HSPD1: variants seen among roughly 807,000 people sequenced by gnomAD.
HSPD1 encodes the protein 60 kDa heat shock protein, mitochondrial.
HSPD1 carries 3 observed loss-of-function variants against 53.0 expected under a neutral mutation model. That is an observed-to-expected ratio of 0.06 (90% CI 0.03 to 0.15). The LOEUF is 0.15. Among genes scored for constraint, HSPD1 ranks in the 10% least tolerant of loss-of-function variants. The pLI is 1.00. For missense variants in HSPD1, 431 were observed against 694.1 expected (o/e 0.62, Z 4.26); for synonymous variants, 200 against 228.0 (o/e 0.88, Z 1.10).
chr2:197,493,439 A>C lies in HSPD1; in HGVS notation c.754T>G (p.Ser252Ala), dbSNP rs145059267. Residue 252 changes from serine to alanine, a missense_variant, in exon 7 of 12, where the codon TCT becomes GCT. By Grantham distance (99) the Ser-to-Ala change is moderately conservative. Around this residue, in one of 2 missense-constraint regions of HSPD1, gnomAD observed 386 missense variants for 657.6 expected, o/e 0.59. Coordinates refer to ENST00000388968, the MANE Select transcript of HSPD1 (RefSeq NM_002156.5). ...GCAGGTACAATGGACTGGATACTAG[A>C]AATTTTCTTTTCACTCAACAGAACA... ...AYVLLSEKKI[S>A]SIQSIVPALE... 2.7e-5 allele frequency: 43 copies of C among 1,613,156 alleles called. No homozygotes were observed. In the African/African-American group the frequency reaches 4.5e-4, roughly 17 times the overall value.
chr2:197,498,560 A>C, intron 2 of HSPD1, 115 bp downstream of exon 2: 1 of 950,732 alleles, frequency 1.1e-6, no homozygotes, highest in Non-Finnish European at 1.7e-6. Context: ...TTACATGTAA[A>C]CTGAGTTCTC....
chr2:197,487,747 G>T, intron 11 of HSPD1, 111 bp downstream of exon 11: 1 of 826,078 alleles, frequency 1.2e-6, no homozygotes, highest in Non-Finnish European at 2.1e-6. Context: ...TATTGCTGTT[G>T]CTACTGCTAT....
rs2086044296 is a variant in HSPD1, at chr2:197,487,755, T to G, written c.1569+103A>C. 8.9e-6 allele frequency: 8 copies of G among 894,112 alleles called. No homozygotes were observed. The Admixed American group carries it at 1.3e-4, about 15-fold the overall frequency. The allele number at this position is 894,112 out of a possible 1,614,324, so 55.4% of individuals were successfully genotyped here. The stretch of plus-strand genomic sequence containing the variant: ...CAAGAGCTATTGCTGTTGCTACTGC[T>G]ATTAGACTATTTTTCTGGTGACAAA... On this transcript the variant is annotated intron_variant, in intron 11 of 11. Coordinates refer to ENST00000388968, the MANE Select transcript of HSPD1 (RefSeq NM_002156.5).
rs189395138 is a variant in HSPD1 at position 197,488,500 on chromosome 2, G to A, written c.1216-9C>T. The A allele has an allele frequency of 2.6e-3, 4,245 of 1,611,940 alleles. 18 individuals are homozygous for A. The highest frequency in any genetic ancestry group is 2.5e-3 in the Non-Finnish European group (3,003 of 1,178,022). On this transcript the variant is annotated splice_polypyrimidine_tract_variant and intron_variant, in intron 9 of 11. Transcript: ENST00000388968. ...TCACTTGTCCCACCAACCTAAAGAC[G>A]AAAAGAATTCCAGTTAGTATGGCCT...
chr2:197,494,514 G>A, intron 5 of HSPD1, 143 bp downstream of exon 5: 3 of 664,500 alleles, frequency 4.5e-6, no homozygotes, highest in Non-Finnish European at 8.1e-6. Flanking sequence ...TACATGTGCT[G>A]AGACTACATA....
chr2:197,494,332 C>A (rs1244623493), intron 5 of HSPD1, 82 bp from the exon 6 acceptor site: 4 of 787,838 alleles, frequency 5.1e-6, no homozygotes, highest in Non-Finnish European at 6.9e-6. Context: ...TAAAAACAGA[C>A]CCCTCTGGCC....
chr2:197,490,908 AC>A lies in HSPD1; in HGVS notation c.870-613del, dbSNP rs552059202. 1.1e-3 allele frequency among the ~76,000 whole-genome samples: 160 copies of A among 152,344 alleles called. 5 individuals carry two copies. The South Asian group carries it at 0.032, about 31-fold the overall frequency. On this transcript the variant is annotated intron_variant, in intron 7 of 11. Transcript: ENST00000388968. ...AATTCACTTCTTTTATAAATGTTAT[AC>A]AAAAAGCTGACAGTATTGTTAAGCT...
intron 3 of HSPD1, chr2:197,496,914 A>G: frequency 1.8e-6 from 1 of 553,352 alleles, no homozygotes. Flanking sequence ...TGTCTCTAAA[A>G]ACAAAAGAAA....
chr2:197,488,633 CTGAGG>C, intron 9 of HSPD1, 142 bp from the exon 10 acceptor site: 1 of 820,580 alleles, frequency 1.2e-6, no homozygotes, highest in Non-Finnish European at 2.2e-6. Flanking sequence ...CTTTGGGAGG[CTGAGG>C]TGAGTGGATC....
chr2:197,492,197 GTTAT>G, intron 7 of HSPD1, among the ~76,000 whole-genome samples: 1 of 152,238 alleles, frequency 6.6e-6, no homozygotes, highest in Non-Finnish European at 1.5e-5. Flanking sequence ...TTACATCTGA[GTTAT>G]TTATTTAGAG....
At chr2:197,496,878 C>T in intron 3 of HSPD1, 1 of 469,598 alleles carries the variant, frequency 2.1e-6, no homozygotes, top group Non-Finnish European at 3.9e-6. Flanking sequence ...CCAGTGCAGT[C>T]CAGCCTGGGC....
At position 197,487,049 on chromosome 2, in the gene HSPD1, G is replaced by C. The variant is rs1002130353; in HGVS notation, c.1719C>G (p.Phe573Leu). 4 of 1,429,086 alleles carry C rather than the reference G, an allele frequency of 2.8e-6. No homozygotes were observed. The highest frequency in any genetic ancestry group is 4.0e-6 in the Non-Finnish European group (4 of 1,011,516). The allele number at this position is 1,429,086 out of a possible 1,614,324, so 88.5% of individuals were successfully genotyped here. Residue 573 changes from phenylalanine to leucine, a missense_variant, in exon 12 of 12, where the codon TTC becomes TTG. This residue lies in a region of HSPD1 where 386 missense variants were observed against 657.6 expected (regional missense o/e 0.59). Transcript: ENST00000388968. ...AGGTAAAGCACTAGTCTAGGAGTTA[G>C]AACATGCCACCTCCCATACCACCTC... ...GMGGGMGGGM[F>L]
chr2:197,500,237 G>A (rs1456428033), upstream of HSPD1: 3 of 668,428 alleles, frequency 4.5e-6, no homozygotes, highest in Non-Finnish European at 7.8e-6. Context: ...AGCGTCCTGC[G>A]CAGGGCCCTT....
chr2:197,490,415 G>T, intron 7 of HSPD1, 119 bp from the exon 8 acceptor site: 4 of 728,762 alleles, frequency 5.5e-6, no homozygotes, highest in African/African-American at 1.8e-5. Context: ...TGGTTTTTGT[G>T]TTTTTTTGTT....
intron 6 of HSPD1, among the ~76,000 whole-genome samples, chr2:197,493,834 C>A (rs2086123139): frequency 1.3e-5 from 2 of 152,134 alleles, no homozygotes; most frequent in South Asian, 4.1e-4. Flanking sequence ...GGCACAGAGC[C>A]TCATACCTAT....
intron 1 of HSPD1, chr2:197,499,254 C>CG (rs1377806001): frequency 6.5e-6 from 2 of 306,952 alleles, no homozygotes; most frequent in African/African-American, 4.4e-5. Flanking sequence ...AAAAGTATTC[C>CG]TGACGGTGCA....
rs773769774 is a variant in HSPD1, at chr2:197,497,147, G to A, written c.420C>T (p.Ile140=). ...KISKGANPVE[I]RRGVMLAVDA... ...GACAACAGACATTCCTACCTCTCCT[G>A]ATTTCCACTGGATTAGCACCTTTGC... Residue 140 remains isoleucine, a synonymous_variant, in exon 3 of 12, where the codon ATC becomes ATT. Transcript: ENST00000388968. The A allele has an allele frequency of 6.2e-6, 10 of 1,614,096 alleles. No individual in the cohort carries two copies. In the Admixed American group the frequency reaches 1.0e-4, roughly 16 times the overall value.
chr2:197,497,712 T>C (rs2086176045), intron 2 of HSPD1, among the ~76,000 whole-genome samples: 1 of 152,276 alleles, frequency 6.6e-6, no homozygotes, highest in Non-Finnish European at 1.5e-5. Context: ...CTATCACTTA[T>C]ACTTTAGTTA....
At chr2:197,496,282 G>C (rs1239683901) in intron 3 of HSPD1, among the ~76,000 whole-genome samples, 2 of 152,154 alleles carry the variant, frequency 1.3e-5, no homozygotes, top group Admixed American at 1.3e-4. Context: ...CAAGGTGCTG[G>C]TAAGTCCTCT....
Sources: gnomAD v4.1 joint callset for allele counts (sites outside exome capture counted in the v4.1 genomes callset) on GRCh38, gnomAD v4.1.1 for gene constraint, gnomAD v4.1.1 regional missense constraint, MANE v1.5 for transcripts, NCBI Gene and HGNC (gene_info 2026-07-23, HGNC 2026-07-21) for gene names.